PANK3: variants seen among roughly 807,000 people sequenced by gnomAD.
PANK3 encodes hPanK3.
In PANK3, 20 loss-of-function variants were observed where a neutral mutation model predicts 39.4. That is an observed-to-expected ratio of 0.51 (90% CI 0.36 to 0.74). The LOEUF (loss-of-function observed/expected upper bound fraction) is 0.74. Ranked by LOEUF, PANK3 falls within the 30% of genes least tolerant of loss-of-function variation. PANK3 has a pLI of 0.00. For missense variants in PANK3, 265 were observed against 437.0 expected, an observed-to-expected ratio of 0.61 and a Z score of 3.51; for synonymous variants, 140 against 157.3, an observed-to-expected ratio of 0.89 and a Z score of 0.82.
intron 1 of PANK3, among the ~76,000 whole-genome samples, chr5:168,572,975 T>C (rs1582468098): frequency 6.6e-6 from 1 of 152,114 alleles, no homozygotes; most frequent in African/African-American, 2.4e-5. Flanking sequence ...GCATTTGTTG[T>C]ATAGAATGAT....
rs1759383883 is a variant in PANK3 at position 168,558,217 on chromosome 5, T to G, written c.1063-596A>C. Among the ~76,000 whole-genome samples the G allele has an allele frequency of 2.0e-5, 3 of 148,116 alleles. No homozygotes were observed. The Admixed American group carries it at 2.1e-4, about 10-fold the overall frequency. On this transcript the variant is annotated intron_variant, in intron 6 of 6. Transcript: ENST00000239231. ...CCAGGCTGGAGTGGCTGGAGTGCAGTGGCGCCATCTCGACTCACTGCAGGC... is the reference window on the plus strand; with the variant it reads ...CCAGGCTGGAGTGGCTGGAGTGCAGGGGCGCCATCTCGACTCACTGCAGGC...
chr5:168,574,297 T>C (rs1266302411), intron 1 of PANK3, among the ~76,000 whole-genome samples: 3 of 151,780 alleles, frequency 2.0e-5, no homozygotes, highest in African/African-American at 7.3e-5. Context: ...CATGTGTTTT[T>C]TGGCTGCATA....
intron 1 of PANK3, among the ~76,000 whole-genome samples, chr5:168,578,175 A>T (rs1375147683): frequency 1.3e-5 from 2 of 152,224 alleles, no homozygotes; most frequent in Non-Finnish European, 2.9e-5. Flanking sequence ...ATGCTTGGAA[A>T]AGTTACTCTG....
intron 4 of PANK3, 90 bp downstream of exon 4, chr5:168,563,799 T>TAA (rs1375204648): frequency 1.6e-6 from 2 of 1,214,574 alleles, no homozygotes; most frequent in Non-Finnish European, 2.3e-6. Context: ...AAAGCACCCT[T>TAA]ACAACTTTCT....
In PANK3 at chr5:168,563,900, A is replaced by G. The variant is rs1359739707; in HGVS notation, c.801T>C (p.Ala267=). Residue 267 remains alanine, a synonymous_variant, in exon 4 of 7, where the codon GCT becomes GCC. Coordinates refer to ENST00000239231, the MANE Select transcript of PANK3 (RefSeq NM_024594.4). ...DYERFGLPGW[A]VASSFGNMIY... ...AATGTTAAACTTACCTAGATGCTAC[A>G]GCCCAACCTGGCAAACCAAATCTTT... The G allele has an allele frequency of 6.2e-7, 1 of 1,607,600 alleles. No individual in the cohort carries two copies. Among genetic ancestry groups the G allele is most frequent in the Admixed American group, 1.7e-5 (1 of 58,684 alleles).
chr5:168,561,626 TAG>T, intron 4 of PANK3, 110 bp from the exon 5 acceptor site: 1 of 872,194 alleles, frequency 1.1e-6, no homozygotes, highest in Non-Finnish European at 1.6e-6. Flanking sequence ...GACCAAAAAG[TAG>T]AAACACATAG....
At position 168,569,006 on chromosome 5, in the gene PANK3, A is replaced by AG. The variant is rs776338650; in HGVS notation, c.29-9dup. ...TGCCAAACCATGGGAAAGCTATGGG[A>AG]GGAAAAAAAAAAAAAAAAAAAAAAA... On this transcript the variant is annotated splice_polypyrimidine_tract_variant and intron_variant, in intron 1 of 6. Transcript: ENST00000239231. The AG allele has an allele frequency of 0.031, 7,619 of 242,328 alleles. 856 individuals carry two copies. The highest frequency in any genetic ancestry group is 0.11 in the East Asian group (1,330 of 11,898). The allele number at this position is 242,328 out of a possible 1,614,324, so 15.0% of individuals were successfully genotyped here.
chr5:168,558,456 A>G (rs886673250), intron 6 of PANK3, among the ~76,000 whole-genome samples: 16 of 152,026 alleles, frequency 1.1e-4, no homozygotes, highest in Admixed American at 7.2e-4. Flanking sequence ...GAGCCACCGC[A>G]CCCGGCCAAG....
At chr5:168,562,876 T>G (rs1254784047) in intron 4 of PANK3, among the ~76,000 whole-genome samples, 1 of 152,134 alleles carries the variant, frequency 6.6e-6, no homozygotes, top group African/African-American at 2.4e-5. Context: ...CTTCTAGAGA[T>G]TAAAACATAC....
chr5:168,578,807 T>C (rs1366514237), intron 1 of PANK3: 4 of 158,390 alleles, frequency 2.5e-5, no homozygotes, highest in African/African-American at 7.2e-5. Context: ...GCTCCAACTG[T>C]AACAACAGTG....
chr5:168,564,101 A>G (rs746601550), intron 3 of PANK3, 36 bp from the exon 4 acceptor site: 20 of 1,526,656 alleles, frequency 1.3e-5, no homozygotes, highest in African/African-American at 2.8e-5. Flanking sequence ...AGTTGCATTT[A>G]TACATTATAT....
intron 5 of PANK3, 104 bp downstream of exon 5, chr5:168,561,289 T>G (rs1759443350): frequency 9.8e-7 from 1 of 1,024,686 alleles, no homozygotes; most frequent in African/African-American, 1.6e-5. Flanking sequence ...TACATCTCAA[T>G]CCCAGAGGCC....
rs186294930 is a variant in PANK3, at chr5:168,554,092, C to T, written c.*3479G>A. On this transcript the variant is annotated 3_prime_UTR_variant, in exon 7 of 7. Coordinates refer to ENST00000239231, the MANE Select transcript of PANK3 (RefSeq NM_024594.4). ...CATAATAGTTCCAAAATTTGTAAAGCCTTTTACCTGGGAATTTATTCTCTC... is the reference window on the plus strand; with the variant it reads ...CATAATAGTTCCAAAATTTGTAAAGTCTTTTACCTGGGAATTTATTCTCTC... 30 of 152,136 alleles carry T rather than the reference C, an allele frequency of 2.0e-4. No homozygotes were observed. Among genetic ancestry groups the T allele is most frequent in the Admixed American group, 1.6e-3 (25 of 15,286 alleles). The allele number at this position is 152,136 out of a possible 1,614,324, so 9.4% of individuals were successfully genotyped here.
In PANK3 at chr5:168,551,771, A is replaced by G. The variant is rs2113095539; in HGVS notation, c.*5800T>C. On this transcript the variant is annotated 3_prime_UTR_variant, in exon 7 of 7. Coordinates refer to ENST00000239231, the MANE Select transcript of PANK3 (RefSeq NM_024594.4). ...AATCACATGTACACTCAAAGGTAAAAGAAAAAAAACCTCAGAAATTTTTAT... is the reference window on the plus strand; with the variant it reads ...AATCACATGTACACTCAAAGGTAAAGGAAAAAAAACCTCAGAAATTTTTAT... The G allele has an allele frequency of 6.6e-6, 1 of 152,296 alleles. No homozygotes were observed. Among genetic ancestry groups the G allele is most frequent in the South Asian group, 2.1e-4 (1 of 4,826 alleles). 9.4% of individuals were successfully genotyped at this position (152,296 alleles called of 1,614,324 possible).
At chr5:168,571,665 G>C (rs1357013865) in intron 1 of PANK3, among the ~76,000 whole-genome samples, 2 of 152,114 alleles carry the variant, frequency 1.3e-5, no homozygotes, top group Admixed American at 1.3e-4. Context: ...CATTTTATTT[G>C]ATATGTGTGT....
intron 3 of PANK3, among the ~76,000 whole-genome samples, chr5:168,564,750 C>T (rs1322771703): frequency 6.6e-6 from 1 of 152,128 alleles, no homozygotes; most frequent in African/African-American, 2.4e-5. Context: ...AATTTTAAAT[C>T]GTTTCCAAGA....
At chr5:168,572,207 G>C (rs1014149123) in intron 1 of PANK3, among the ~76,000 whole-genome samples, 1 of 146,876 alleles carries the variant, frequency 6.8e-6, no homozygotes, top group African/African-American at 2.5e-5. Context: ...TCCACCTCCT[G>C]GGTTCATGCA....
At chr5:168,566,899 C>T (rs781139757) in intron 2 of PANK3, among the ~76,000 whole-genome samples, 45 of 152,140 alleles carry the variant, frequency 3.0e-4, no homozygotes, top group Non-Finnish European at 5.0e-4. Flanking sequence ...CCCGCCACCA[C>T]GCCTGGCTAA....
At chr5:168,557,902 C>G (rs1013104046) in intron 6 of PANK3, among the ~76,000 whole-genome samples, 12 of 152,162 alleles carry the variant, frequency 7.9e-5, no homozygotes, top group African/African-American at 2.4e-4. Flanking sequence ...TCACATGGTC[C>G]TCCCATCTCA....
Sources: allele counts gnomAD v4.1 joint callset (sites outside exome capture counted in the v4.1 genomes callset), GRCh38; gene constraint gnomAD v4.1.1; transcripts MANE v1.5; gene names NCBI Gene and HGNC (gene_info 2026-07-23, HGNC 2026-07-21).